The following TRANK1 variants were observed in gnomAD, a reference collection of about 807,000 sequenced individuals.
TRANK1 encodes the protein TPR and ankyrin repeat-containing protein 1.
Under a neutral mutation model 266.0 loss-of-function variants are expected in TRANK1, and 198 were observed. The observed-to-expected ratio is 0.74, with a 90% CI of 0.66 to 0.84. The LOEUF (loss-of-function observed/expected upper bound fraction) is 0.84. Ranked by LOEUF, TRANK1 falls within the 40% of genes least tolerant of loss-of-function variation. The pLI is 0.00. For missense variants in TRANK1, 3,326 were observed against 3,634.6 expected (o/e 0.92, Z 2.18); for synonymous variants, 1,396 against 1,384.1 (o/e 1.01, Z -0.19).
At chr3:36,835,192 G>A (rs1041884812) in intron 20 of TRANK1, among the ~76,000 whole-genome samples, 7 of 150,328 alleles carry the variant, frequency 4.7e-5, no homozygotes, top group Non-Finnish European at 6.0e-5. Flanking sequence ...AGTGGCGGGC[G>A]CCTGTAGTCC....
Position 36,847,301 on chromosome 3 carries a change from T to G in TRANK1, c.4933A>C (p.Thr1645Pro). The G allele has an allele frequency of 6.2e-7, 1 of 1,613,678 alleles. No individual in the cohort carries two copies. The highest frequency in any genetic ancestry group is 8.5e-7 in the Non-Finnish European group (1 of 1,179,778). Residue 1645 changes from threonine (T) to proline (P), a missense_variant, in exon 16 of 24, where the codon ACT becomes CCT. Transcript: ENST00000645898. ...KIISSFTPTS[T>P]DSREENRPLV... ...GGCCGGTTTTCCTCTCTGGAGTCAG[T>G]TGAGGTAGGTGTGAATGAGGAAATG...
chr3:36,876,438 C>T (rs1243987173), intron 8 of TRANK1, among the ~76,000 whole-genome samples: 3 of 152,218 alleles, frequency 2.0e-5, no homozygotes, highest in Admixed American at 2.0e-4. Flanking sequence ...ATAGGGAGGA[C>T]ATGTGACCAA....
chr3:36,847,098 AC>A, intron 16 of TRANK1, 101 bp downstream of exon 16: 1 of 1,380,528 alleles, frequency 7.2e-7, no homozygotes, highest in South Asian at 1.6e-5. Flanking sequence ...GCTGAGGAAA[AC>A]CAGCCAAGTG....
Position 36,857,812 on chromosome 3 carries a change from T to C in TRANK1, c.1910A>G (p.Lys637Arg), listed in dbSNP as rs755869176. ...CCAGGCCAAGAGCAGAGAGTCGTTC[T>C]TCTTAATCCGGTGCCGTGCATCTTT... ...EGKDARHRIK[K>R]NDSLLLAWNK... is the part of the protein sequence containing the mutation. Residue 637 changes from lysine (K) to arginine (R), a missense_variant, in exon 13 of 24, where the codon AAG becomes AGG. Physicochemically the swap from Lys to Arg is conservative, Grantham distance 26. Coordinates refer to ENST00000645898, the MANE Select transcript of TRANK1 (RefSeq NM_001329998.2). The surrounding 1 kb of genome is among the most constrained non-coding windows in gnomAD (Gnocchi z 4.3). 4.3e-6 allele frequency: 7 copies of C among 1,613,854 alleles called. No individual in the cohort carries two copies. The highest frequency in any genetic ancestry group is 5.9e-6 in the Non-Finnish European group (7 of 1,179,894).
At chr3:36,842,564 C>G (rs921437807) in intron 18 of TRANK1, 58 bp downstream of exon 18, 7 of 1,473,834 alleles carry the variant, frequency 4.7e-6, no homozygotes, top group Non-Finnish European at 6.6e-6. Flanking sequence ...GTGAAACCTG[C>G]CTGTGAGGTC....
chr3:36,901,586 CAAATG>C (rs1362033709), intron 3 of TRANK1, among the ~76,000 whole-genome samples: 7 of 152,300 alleles, frequency 4.6e-5, no homozygotes, highest in African/African-American at 1.7e-4. Flanking sequence ...AAGTGAACAT[CAAATG>C]AAATCTGTGT....
chr3:36,924,478 A>G (rs1023906298), intron 1 of TRANK1, among the ~76,000 whole-genome samples: 6 of 152,214 alleles, frequency 3.9e-5, no homozygotes. Context: ...CTAAAGCATT[A>G]AAACAAATTT....
In TRANK1 at chr3:36,857,011, G is replaced by A. The variant is rs1361817041; in HGVS notation, c.2711C>T (p.Ala904Val). ...DKGARMLWELAIDFSPRCSEN... is the reference protein window; with the variant it reads ...DKGARMLWELVIDFSPRCSEN... Reference sequence around the variant, plus strand: ...ACTGCATCGAGGGGAGAAGTCAATGGCGAGCTCCCAGAGCATCCGGGCTCC... The same window carrying A: ...ACTGCATCGAGGGGAGAAGTCAATGACGAGCTCCCAGAGCATCCGGGCTCC... The change falls in exon 13 of 24, where the codon GCC (alanine) becomes GTC (valine). Residue 904 changes from alanine (A) to valine (V), a missense_variant. Physicochemically the swap from Ala to Val is moderately conservative, Grantham distance 64. Coordinates refer to ENST00000645898, the MANE Select transcript of TRANK1 (RefSeq NM_001329998.2). The surrounding 1 kb of genome is among the most constrained non-coding windows in gnomAD (Gnocchi z 4.3). The A allele has an allele frequency of 3.7e-6, 6 of 1,613,798 alleles. No homozygotes were observed. The highest frequency in any genetic ancestry group is 5.1e-6 in the Non-Finnish European group (6 of 1,179,864).
chr3:36,871,882 C>T (rs1419531082), intron 9 of TRANK1, among the ~76,000 whole-genome samples: 1 of 152,228 alleles, frequency 6.6e-6, no homozygotes, highest in African/African-American at 2.4e-5. Flanking sequence ...GCCTGACAGA[C>T]TATCTCCCAC....
chr3:36,905,290 CAAA>C (rs35960884), intron 2 of TRANK1, among the ~76,000 whole-genome samples: 3 of 94,910 alleles, frequency 3.2e-5, no homozygotes, highest in Admixed American at 1.1e-4. Context: ...GACTCTGTCT[CAAA>C]AAAAAAAAAA....
At chr3:36,937,592 C>T (rs1357169267) in intron 1 of TRANK1, among the ~76,000 whole-genome samples, 1 of 152,198 alleles carries the variant, frequency 6.6e-6, no homozygotes, top group East Asian at 1.9e-4. Flanking sequence ...AAACTAAAAT[C>T]AAATTCCTGC....
intron 11 of TRANK1, 40 bp downstream of exon 11, chr3:36,860,866 G>A: frequency 6.5e-7 from 1 of 1,532,878 alleles, no homozygotes; most frequent in Non-Finnish European, 8.7e-7. Flanking sequence ...CGTGGAGAAT[G>A]TGGACAAGTC....
rs1461022206 is a variant in TRANK1 at position 36,857,494 on chromosome 3, A to G, written c.2228T>C (p.Val743Ala). Residue 743 changes from valine (V) to alanine (A), a missense_variant, in exon 13 of 24, where the codon GTT (valine) becomes GCT (alanine). Val to Ala is a moderately conservative substitution (Grantham distance 64, BLOSUM62 0). Coordinates refer to ENST00000645898, the MANE Select transcript of TRANK1 (RefSeq NM_001329998.2). The surrounding 1 kb of genome is among the most constrained non-coding windows in gnomAD (Gnocchi z 4.3). ...MQDITVLIQQ[V>A]EVDPSFPEDC... is the part of the protein sequence containing the mutation. Reference sequence around the variant, plus strand: ...CTCTGGGAAAGACGGATCCACTTCAACCTGCTGAATCAAAACTGTGATGTC... The same window carrying G: ...CTCTGGGAAAGACGGATCCACTTCAGCCTGCTGAATCAAAACTGTGATGTC... 1 of 1,613,882 alleles carries G rather than the reference A, an allele frequency of 6.2e-7. No individual in the cohort carries two copies. Among genetic ancestry groups the G allele is most frequent in the African/African-American group, 1.3e-5 (1 of 75,012 alleles).
At position 36,874,527 on chromosome 3, in the gene TRANK1, C is replaced by T. The variant is rs114171162; in HGVS notation, c.908-231G>A. Among the ~76,000 whole-genome samples, 1,444 of 152,178 alleles carry T rather than the reference C, an allele frequency of 9.5e-3. 17 individuals are homozygous for T. Among genetic ancestry groups the T allele is most frequent in the Non-Finnish European group, 0.016 (1,090 of 67,994 alleles). ...AGCTTTCAAGAGGTTCAGAAGTGCG[C>T]TCCTCTCTACCTTTCTCCCCTCTCC... On this transcript the variant is annotated intron_variant, in intron 8 of 23. Coordinates refer to ENST00000645898, the MANE Select transcript of TRANK1 (RefSeq NM_001329998.2).
intron 8 of TRANK1, among the ~76,000 whole-genome samples, chr3:36,877,720 C>G (rs2079409744): frequency 1.3e-5 from 2 of 152,146 alleles, no homozygotes; most frequent in South Asian, 4.1e-4. Flanking sequence ...TGGCATTATA[C>G]ATATACATTA....
intron 5 of TRANK1, among the ~76,000 whole-genome samples, chr3:36,893,729 C>G (rs1432941120): frequency 1.3e-5 from 2 of 152,188 alleles, no homozygotes; most frequent in Non-Finnish European, 2.9e-5. Context: ...GGTATGCTAA[C>G]AGATCTAAGA....
intron 10 of TRANK1, among the ~76,000 whole-genome samples, chr3:36,861,414 G>A (rs1030671075): frequency 2.6e-5 from 4 of 152,100 alleles, no homozygotes; most frequent in Non-Finnish European, 4.4e-5. Flanking sequence ...GTGTCTTAAC[G>A]CAGAATACTT....
intron 4 of TRANK1, among the ~76,000 whole-genome samples, chr3:36,898,621 G>A (rs1368520165): frequency 6.6e-6 from 1 of 152,146 alleles, no homozygotes; most frequent in African/African-American, 2.4e-5. Context: ...GGAGGCCAAG[G>A]CGGGCGGATC....
At chr3:36,917,876 T>C (rs776541884) in intron 1 of TRANK1, among the ~76,000 whole-genome samples, 1 of 152,144 alleles carries the variant, frequency 6.6e-6, no homozygotes, top group Non-Finnish European at 1.5e-5. Flanking sequence ...TATTAAAATT[T>C]CATAGGGGGT....
Sources: allele counts gnomAD v4.1 joint callset (sites outside exome capture counted in the v4.1 genomes callset), GRCh38; gene constraint gnomAD v4.1.1; non-coding constraint Gnocchi (gnomAD v3.1); transcripts MANE v1.5; gene names NCBI Gene and HGNC (gene_info 2026-07-23, HGNC 2026-07-21).